Variants in CACHD1 observed in about 807,000 individuals in gnomAD.
The protein encoded by CACHD1 is cache domain containing 1.
In CACHD1, 71 loss-of-function variants were observed where a neutral mutation model predicts 138.7. The ratio of observed to expected loss-of-function variants is 0.51; its 90% confidence interval spans 0.42 to 0.62. The LOEUF is 0.62. Ranked by LOEUF, CACHD1 falls within the 20% of genes least tolerant of loss-of-function variation. The probability of loss-of-function intolerance (pLI) is 0.00; values close to 1 mark genes in which losing one functional copy is unlikely to be tolerated. For synonymous variants in CACHD1, 578 were observed against 591.5 expected, an observed-to-expected ratio of 0.98 and a Z score of 0.33; for missense variants, 1,389 against 1,625.3, an observed-to-expected ratio of 0.85 and a Z score of 2.50.
chr1:64,610,772 G>A (rs1169052040), intron 4 of CACHD1, among the ~76,000 whole-genome samples: 2 of 152,200 alleles, frequency 1.3e-5, no homozygotes, highest in East Asian at 1.9e-4. Context: ...GAGGATGGTG[G>A]TCCTCTTCTC....
intron 2 of CACHD1, among the ~76,000 whole-genome samples, chr1:64,561,312 C>T (rs1016128602): frequency 1.3e-5 from 2 of 151,946 alleles, no homozygotes; most frequent in Non-Finnish European, 2.9e-5. Context: ...GTTATCATAT[C>T]TATTACATCT....
intron 1 of CACHD1, among the ~76,000 whole-genome samples, chr1:64,548,085 A>G (rs1047969516): frequency 6.6e-6 from 1 of 152,240 alleles, no homozygotes; most frequent in Non-Finnish European, 1.5e-5. Context: ...ATAAATGAGT[A>G]AAATAGGGAC....
In CACHD1 at chr1:64,582,203, C is replaced by G; in HGVS notation, c.309C>G (p.Val103=). The G allele has an allele frequency of 6.2e-7, 1 of 1,613,988 alleles. No homozygotes were observed. Among genetic ancestry groups the G allele is most frequent in the Non-Finnish European group, 8.5e-7 (1 of 1,179,882 alleles). ...REKFNRYLDV[V]NRNKQVVEAS... is the part of the protein sequence containing the mutation. ...AGTTCAACCGTTACTTGGATGTGGTCAATCGGAACAAGCAAGTTGTAGAAG... is the reference window on the plus strand; with the variant it reads ...AGTTCAACCGTTACTTGGATGTGGTGAATCGGAACAAGCAAGTTGTAGAAG... Residue 103 remains valine (V), a synonymous_variant, in exon 3 of 27, where the codon GTC becomes GTG. Coordinates refer to ENST00000651257, the MANE Select transcript of CACHD1 (RefSeq NM_020925.4).
At chr1:64,652,787 T>G (rs1305119028) in intron 10 of CACHD1, among the ~76,000 whole-genome samples, 1 of 152,180 alleles carries the variant, frequency 6.6e-6, no homozygotes, top group Non-Finnish European at 1.5e-5. Flanking sequence ...ACTTGAATAC[T>G]CTTAGTGGGA....
At chr1:64,618,454 C>T (rs1647791621) in intron 4 of CACHD1, among the ~76,000 whole-genome samples, 2 of 152,176 alleles carry the variant, frequency 1.3e-5, no homozygotes, top group African/African-American at 4.8e-5. Flanking sequence ...CTTAAAATCT[C>T]TCATAGGGTT....
chr1:64,574,627 A>G (rs1399745726), intron 2 of CACHD1, among the ~76,000 whole-genome samples: 1 of 152,236 alleles, frequency 6.6e-6, no homozygotes, highest in East Asian at 1.9e-4. Flanking sequence ...AATAATAACC[A>G]TTACAATAAT....
intron 12 of CACHD1, among the ~76,000 whole-genome samples, chr1:64,655,210 T>C (rs950398103): frequency 1.3e-5 from 2 of 152,176 alleles, no homozygotes; most frequent in African/African-American, 4.8e-5. Context: ...GAAGCTGCAG[T>C]GAGCCATGCT....
intron 1 of CACHD1, among the ~76,000 whole-genome samples, chr1:64,493,710 A>G (rs944979731): frequency 6.6e-6 from 1 of 152,178 alleles, no homozygotes; most frequent in Non-Finnish European, 1.5e-5. Flanking sequence ...ATTACCAAGA[A>G]GAGTGGAGGC....
chr1:64,605,469 G>C (rs1647309076), intron 4 of CACHD1, among the ~76,000 whole-genome samples: 1 of 152,106 alleles, frequency 6.6e-6, no homozygotes, highest in Non-Finnish European at 1.5e-5. Context: ...AATAAAAAAA[G>C]AAGGAATTAT....
intron 1 of CACHD1, among the ~76,000 whole-genome samples, chr1:64,479,770 A>G (rs571066968): frequency 2.0e-5 from 3 of 152,204 alleles, no homozygotes; most frequent in South Asian, 4.2e-4. Flanking sequence ...TTGCTTGCCT[A>G]CTTCTTAAAT....
intron 1 of CACHD1, among the ~76,000 whole-genome samples, chr1:64,548,637 G>T (rs1020062627): frequency 6.6e-6 from 1 of 152,116 alleles, no homozygotes; most frequent in Non-Finnish European, 1.5e-5. Flanking sequence ...ACCGGTAGTG[G>T]TATCTAGAGC....
In CACHD1 at chr1:64,565,385, C is replaced by T. The variant is rs1022290625; in HGVS notation, c.261+14729C>T. ...AAAGAAAGGTTGAGAGGTATTGATG[C>T]CACCCAGATGGAGAATTTACAATGA... On this transcript the variant is annotated intron_variant, in intron 2 of 26. Coordinates refer to ENST00000651257, the MANE Select transcript of CACHD1 (RefSeq NM_020925.4). Among the ~76,000 whole-genome samples, 4 of 152,088 alleles carry T rather than the reference C, an allele frequency of 2.6e-5. 1 individual carries two copies. In the East Asian group the frequency reaches 5.8e-4, roughly 22 times the overall value.
chr1:64,486,923 G>T (rs1021524427), intron 1 of CACHD1, among the ~76,000 whole-genome samples: 25 of 152,192 alleles, frequency 1.6e-4, no homozygotes, highest in Non-Finnish European at 2.6e-4. Flanking sequence ...GTTCAAAGAA[G>T]GCTTCTTGGG....
chr1:64,547,158 C>T lies in CACHD1; in HGVS notation c.199-3436C>T, dbSNP rs551014923. Reference sequence around the variant, plus strand: ...AATGTGGTTTCAGACCCCTGCCCTGCCTACCACATACAGTTGTTATGAAGA... The same window carrying T: ...AATGTGGTTTCAGACCCCTGCCCTGTCTACCACATACAGTTGTTATGAAGA... On this transcript the variant is annotated intron_variant, in intron 1 of 26. Coordinates refer to ENST00000651257, the MANE Select transcript of CACHD1 (RefSeq NM_020925.4). 4.6e-5 allele frequency among the ~76,000 whole-genome samples: 7 copies of T among 152,248 alleles called. No homozygotes were observed. The South Asian group carries it at 1.5e-3, about 32-fold the overall frequency.
intron 1 of CACHD1, among the ~76,000 whole-genome samples, chr1:64,527,905 G>T (rs1646553240): frequency 1.3e-5 from 2 of 152,136 alleles, no homozygotes; most frequent in South Asian, 2.1e-4. Context: ...TTGTCATTTT[G>T]TGTTGCTAAC....
chr1:64,543,390 T>TA (rs1490473800), intron 1 of CACHD1, among the ~76,000 whole-genome samples: 9 of 98,774 alleles, frequency 9.1e-5, no homozygotes, highest in East Asian at 6.1e-4. Flanking sequence ...ATCCTATCTC[T>TA]AAAAAAAAAT....
At chr1:64,566,274 C>G (rs1410393419) in intron 2 of CACHD1, among the ~76,000 whole-genome samples, 8 of 152,172 alleles carry the variant, frequency 5.3e-5, no homozygotes, top group Non-Finnish European at 1.0e-4. Context: ...ACTATTAAAA[C>G]TTTGTCCATG....
At chr1:64,654,943 G>A (rs979998367) in intron 12 of CACHD1, 140 bp downstream of exon 12, 1 of 641,834 alleles carries the variant, frequency 1.6e-6, no homozygotes, top group African/African-American at 1.8e-5. Context: ...TAAAGTGATT[G>A]GGAAAGAAGA....
At position 64,564,139 on chromosome 1, in the gene CACHD1, TAAA is replaced by T. The variant is rs1362057497; in HGVS notation, c.261+13484_261+13486del. On this transcript the variant is annotated intron_variant, in intron 2 of 26. Transcript: ENST00000651257. Reference sequence around the variant, plus strand: ...TTTCTCTGAGCTCCTCTTATCTGTCTAAAGACGGATCCTCCGAAAGGAACTCAA... The same window carrying T: ...TTTCTCTGAGCTCCTCTTATCTGTCTGACGGATCCTCCGAAAGGAACTCAA... 5.3e-5 allele frequency among the ~76,000 whole-genome samples: 8 copies of T among 152,294 alleles called. No individual in the cohort carries two copies. The South Asian group carries it at 1.5e-3, about 28-fold the overall frequency.
Sources: allele counts gnomAD v4.1 joint callset (sites outside exome capture counted in the v4.1 genomes callset), GRCh38; gene constraint gnomAD v4.1.1; transcripts MANE v1.5; gene names NCBI Gene and HGNC (gene_info 2026-07-23, HGNC 2026-07-21).